GAS7: variants seen among roughly 807,000 people sequenced by gnomAD.
GAS7 encodes the protein growth arrest specific 7.
GAS7 carries 28 observed loss-of-function variants against 71.1 expected under a neutral mutation model. That is an observed-to-expected ratio of 0.39 (90% CI 0.29 to 0.54). The LOEUF is 0.54. Ranked by LOEUF, GAS7 falls within the 20% of genes least tolerant of loss-of-function variation. The pLI, the probability that GAS7 is intolerant of heterozygous loss-of-function variation, is 0.62. For synonymous variants in GAS7, 258 were observed against 245.8 expected (o/e 1.05, Z -0.46); for missense variants, 436 against 627.8 (o/e 0.69, Z 3.27).
intron 2 of GAS7, among the ~76,000 whole-genome samples, chr17:9,993,779 C>T (rs1421967056): frequency 6.6e-6 from 1 of 150,916 alleles, no homozygotes; most frequent in African/African-American, 2.4e-5. Flanking sequence ...ATCTAGAAAA[C>T]CCCATTGTCT....
intron 2 of GAS7, among the ~76,000 whole-genome samples, chr17:10,010,020 A>G (rs1435345309): frequency 6.6e-6 from 1 of 152,182 alleles, no homozygotes; most frequent in East Asian, 1.9e-4. Flanking sequence ...GGCAAAAAAG[A>G]AAAGATTAGA....
chr17:9,932,937 C>T (rs934365667), intron 9 of GAS7, among the ~76,000 whole-genome samples: 27 of 152,004 alleles, frequency 1.8e-4, no homozygotes, highest in Non-Finnish European at 3.1e-4. Context: ...CTTTGGGAGG[C>T]GGAGGAGGGT....
At chr17:10,168,729 T>C (rs2074313170) in intron 1 of GAS7, among the ~76,000 whole-genome samples, 2 of 152,258 alleles carry the variant, frequency 1.3e-5, no homozygotes, top group South Asian at 4.2e-4. Context: ...TCCCAGCACT[T>C]TGGGAGGCTG....
rs138089602 is a variant in GAS7 at position 10,167,722 on chromosome 17, A to G, written c.183+30486T>C. ...GTCTCAATATGTTTTGTTTTGAGACAAGGTCTCGCTCTGTCACCCAGGCTG... is the reference window on the plus strand; with the variant it reads ...GTCTCAATATGTTTTGTTTTGAGACGAGGTCTCGCTCTGTCACCCAGGCTG... On this transcript the variant is annotated intron_variant, in intron 1 of 13. Coordinates refer to ENST00000432992, the MANE Select transcript of GAS7 (RefSeq NM_201433.2). 4.9e-3 allele frequency among the ~76,000 whole-genome samples: 747 copies of G among 151,862 alleles called. 4 individuals are homozygous for G. The highest frequency in any genetic ancestry group is 0.017 in the African/African-American group (712 of 41,374).
intron 1 of GAS7, among the ~76,000 whole-genome samples, chr17:10,092,145 C>T (rs563846360): frequency 1.5e-4 from 23 of 152,230 alleles, no homozygotes; most frequent in African/African-American, 5.3e-4. Flanking sequence ...TCTCTGACTT[C>T]GCACATGTAT....
chr17:9,951,434 C>G (rs1183294060), intron 5 of GAS7, among the ~76,000 whole-genome samples: 2 of 151,878 alleles, frequency 1.3e-5, no homozygotes, highest in African/African-American at 4.9e-5. Context: ...GCCTTGCCCT[C>G]TTGTCGGGGA....
At chr17:10,110,424 T>C (rs1241621276) in intron 1 of GAS7, among the ~76,000 whole-genome samples, 1 of 151,440 alleles carries the variant, frequency 6.6e-6, no homozygotes, top group Non-Finnish European at 1.5e-5. Flanking sequence ...TGAAGAGAGT[T>C]TGGTTAAGGG....
rs527982719 is a variant in GAS7, at chr17:9,974,282, C to G, written c.386-4520G>C. 6.6e-6 allele frequency among the ~76,000 whole-genome samples: 1 copy of G among 152,182 alleles called. No individual in the cohort carries two copies. Among genetic ancestry groups the G allele is most frequent in the African/African-American group, 2.4e-5 (1 of 41,458 alleles). Reference sequence around the variant, plus strand: ...AAGTCTCCCGGGCACATTCAGAATACGTCTCAGTGGAGATCTAGACAGTTA... The same window carrying G: ...AAGTCTCCCGGGCACATTCAGAATAGGTCTCAGTGGAGATCTAGACAGTTA... On this transcript the variant is annotated intron_variant, in intron 3 of 13. Transcript: ENST00000432992. The surrounding 1 kb of genome is among the most constrained non-coding windows in gnomAD (Gnocchi z 4.0).
intron 1 of GAS7, among the ~76,000 whole-genome samples, chr17:10,191,783 G>A (rs1471133804): frequency 6.7e-6 from 1 of 150,040 alleles, no homozygotes; most frequent in African/African-American, 2.5e-5. Flanking sequence ...GCTGAGGCAG[G>A]AGAATCACTT....
In GAS7 at chr17:10,158,610, G is replaced by A. The variant is rs368535742; in HGVS notation, c.183+39598C>T. On this transcript the variant is annotated intron_variant, in intron 1 of 13. Transcript: ENST00000432992. ...CTTTGAAATGTTTCCAAAAAAATAC[G>A]ATTGATGGAAGGATAGAAGGTTAGA... Among the ~76,000 whole-genome samples, 7 of 152,156 alleles carry A rather than the reference G, an allele frequency of 4.6e-5. No homozygotes were observed. In the East Asian group the frequency reaches 7.8e-4, roughly 17 times the overall value.
At chr17:9,957,083 T>C (rs1485605834) in intron 5 of GAS7, among the ~76,000 whole-genome samples, 1 of 152,102 alleles carries the variant, frequency 6.6e-6, no homozygotes. Flanking sequence ...TCACTTGTTT[T>C]GTGACCTCTG....
At chr17:10,001,828 T>G (rs926465534) in intron 2 of GAS7, among the ~76,000 whole-genome samples, 7 of 152,024 alleles carry the variant, frequency 4.6e-5, no homozygotes, top group African/African-American at 1.7e-4. Context: ...ACACATAATT[T>G]TAAAAAAATC....
At chr17:10,138,998 ATT>A in intron 1 of GAS7, among the ~76,000 whole-genome samples, 1 of 152,150 alleles carries the variant, frequency 6.6e-6, no homozygotes, top group Admixed American at 6.6e-5. Flanking sequence ...TCCCACATCT[ATT>A]TGTGCCTTTA....
At chr17:9,975,558 C>A (rs183785574) in intron 3 of GAS7, among the ~76,000 whole-genome samples, 1 of 151,148 alleles carries the variant, frequency 6.6e-6, no homozygotes, top group African/African-American at 2.4e-5. Context: ...TCCTTCCACC[C>A]GTTCTCCTTC....
intron 1 of GAS7, among the ~76,000 whole-genome samples, chr17:10,185,318 C>G (rs532950278): frequency 1.3e-5 from 2 of 152,268 alleles, no homozygotes; most frequent in East Asian, 1.9e-4. Flanking sequence ...AAGCTGCACA[C>G]CCCTACCCCC....
At chr17:10,156,071 G>A (rs1316728583) in intron 1 of GAS7, among the ~76,000 whole-genome samples, 2 of 152,154 alleles carry the variant, frequency 1.3e-5, no homozygotes, top group Admixed American at 6.5e-5. Context: ...CTCTAACTCC[G>A]ACCTAGCTTC....
chr17:10,097,872 C>T (rs1242318015), intron 1 of GAS7, among the ~76,000 whole-genome samples: 2 of 151,938 alleles, frequency 1.3e-5, no homozygotes, highest in African/African-American at 2.4e-5. Context: ...AGCGAAACCC[C>T]GTCTCTACTA....
chr17:10,031,579 G>C (rs552662479), intron 1 of GAS7, among the ~76,000 whole-genome samples: 1 of 152,180 alleles, frequency 6.6e-6, no homozygotes, highest in African/African-American at 2.4e-5. Flanking sequence ...TGCCTTCCAC[G>C]TGGGCCTTGC....
intron 1 of GAS7, among the ~76,000 whole-genome samples, chr17:10,038,468 G>A (rs1228101296): frequency 6.6e-6 from 1 of 152,108 alleles, no homozygotes; most frequent in African/African-American, 2.4e-5. Context: ...CAGCCCCTGT[G>A]GAAAATAGTG....
Sources: gnomAD v4.1 joint callset for allele counts (sites outside exome capture counted in the v4.1 genomes callset) on GRCh38, gnomAD v4.1.1 for gene constraint, Gnocchi (gnomAD v3.1) non-coding constraint, MANE v1.5 for transcripts, NCBI Gene and HGNC (gene_info 2026-07-23, HGNC 2026-07-21) for gene names.